Variants in IL11 observed in about 807,000 individuals in gnomAD.
IL11 encodes interleukin 11.
Under a neutral mutation model 18.1 loss-of-function variants are expected in IL11, and 17 were observed. The ratio of observed to expected loss-of-function variants is 0.94; its 90% CI spans 0.64 to 1.41. The LOEUF is 1.41. IL11 is among the 40% of genes most tolerant of loss of function. The pLI, the probability that IL11 is intolerant of heterozygous loss-of-function variation, is 0.00. For synonymous variants in IL11, 144 were observed against 134.1 expected (o/e 1.07, Z -0.51); for missense variants, 309 against 262.8 (o/e 1.18, Z -1.22).
chr19:55,370,158 C>G (rs1051525320), intron 1 of IL11, 146 bp downstream of exon 1: 1 of 699,666 alleles, frequency 1.4e-6, no homozygotes. Context: ...TCCGCCGCCT[C>G]CTGTCTCCGA....
In IL11 at chr19:55,365,815, C is replaced by T. The variant is rs2089781449; in HGVS notation, c.*192G>A. 2.5e-5 allele frequency: 22 copies of T among 896,052 alleles called. No homozygotes were observed. The South Asian group carries it at 4.0e-4, about 16-fold the overall frequency. 55.5% of individuals were successfully genotyped at this position (896,052 alleles called of 1,614,324 possible). On this transcript the variant is annotated 3_prime_UTR_variant, in exon 5 of 5. Transcript: ENST00000264563. ...CTCGGGGACCCAGGAGTCCACCTGCCTCCCACCCCTGCTCCTGAAATAAAT... is the reference window on the plus strand; with the variant it reads ...CTCGGGGACCCAGGAGTCCACCTGCTTCCCACCCCTGCTCCTGAAATAAAT...
Position 55,366,120 on chromosome 19 carries a change from G to GT in IL11, c.486_487insA (p.Pro163ThrfsTer24). The GT allele has an allele frequency of 6.5e-7, 1 of 1,542,562 alleles. No individual in the cohort carries two copies. The highest frequency in any genetic ancestry group is 8.7e-7 in the Non-Finnish European group (1 of 1,145,310). On this transcript the variant is annotated frameshift_variant, in exon 5 of 5. Transcript: ENST00000264563. LOFTEE classifies it high-confidence loss of function. The surrounding 1 kb of genome is among the most constrained non-coding windows in gnomAD (Gnocchi z 4.6). Reference sequence around the variant, plus strand: ...ATGCCCCCCCAGGCTGAGGAGGGGGGCGCCAGCGGGGGCGCCGGCGGGTCC... The same window carrying GT: ...ATGCCCCCCCAGGCTGAGGAGGGGGGTCGCCAGCGGGGGCGCCGGCGGGTCC...
chr19:55,367,700 T>G (rs1403884167), intron 4 of IL11, among the ~76,000 whole-genome samples: 1 of 152,002 alleles, frequency 6.6e-6, no homozygotes, highest in Non-Finnish European at 1.5e-5. Flanking sequence ...CCTCAGGTGA[T>G]CCACTTGCCT....
chr19:55,366,107 G>T lies in IL11; in HGVS notation c.500C>A (p.Ala167Asp). Residue 167 changes from alanine to aspartate, a missense_variant, in exon 5 of 5, where the codon GCC (alanine) becomes GAC (aspartate). Ala to Asp is a moderately radical substitution (Grantham distance 126). Coordinates refer to ENST00000264563, the MANE Select transcript of IL11 (RefSeq NM_000641.4). The surrounding 1 kb of genome is among the most constrained non-coding windows in gnomAD (Gnocchi z 4.6). ...GTGGGCGGCCCTGATGCCCCCCCAG[G>T]CTGAGGAGGGGGGCGCCAGCGGGGG... ...PAPPLAPPSS[A>D]WGGIRAAHAI... The T allele has an allele frequency of 3.2e-6, 5 of 1,562,412 alleles. No homozygotes were observed. Among genetic ancestry groups the T allele is most frequent in the South Asian group, 2.4e-5 (2 of 85,036 alleles).
At position 55,368,594 on chromosome 19, in the gene IL11, T is replaced by A. The variant is rs765337084; in HGVS notation, c.181-25A>T. ...TCTGGCAGGGAAAAAAGCTGTGAGG[T>A]GGCCCCTGCCCAGCCTCGGGGCTCC... On this transcript the variant is annotated intron_variant, in intron 2 of 4. Coordinates refer to ENST00000264563, the MANE Select transcript of IL11 (RefSeq NM_000641.4). 1.9e-6 allele frequency: 3 copies of A among 1,589,860 alleles called. No individual in the cohort carries two copies. The South Asian group carries it at 3.4e-5, about 18-fold the overall frequency.
rs142189316 is a variant in IL11, at chr19:55,366,197, G to A, written c.430-20C>T. On this transcript the variant is annotated intron_variant, in intron 4 of 4. Transcript: ENST00000264563. The surrounding 1 kb of genome is among the most constrained non-coding windows in gnomAD (Gnocchi z 4.6). Reference sequence around the variant, plus strand: ...GGACATCTGTGGGGAGAGGAGAGAGGTGAGTCACAGGTAGGGGGTGCAGCG... The same window carrying A: ...GGACATCTGTGGGGAGAGGAGAGAGATGAGTCACAGGTAGGGGGTGCAGCG... 1,076 of 1,469,278 alleles carry A rather than the reference G, an allele frequency of 7.3e-4. 7 individuals carry two copies. The African/African-American group carries it at 0.014, about 18-fold the overall frequency. The allele number at this position is 1,469,278 out of a possible 1,614,324, so 91.0% of individuals were successfully genotyped here. A position where few individuals can be genotyped will look rare whatever the true frequency, so the allele number is the denominator to read the frequency against.
rs749026700 is a variant in IL11, at chr19:55,366,068, C to T, written c.539G>A (p.Gly180Glu). Residue 180 changes from glycine to glutamate, a missense_variant, in exon 5 of 5, where the codon GGG becomes GAG. Physicochemically the swap from Gly to Glu is moderately conservative, Grantham distance 98. Coordinates refer to ENST00000264563, the MANE Select transcript of IL11 (RefSeq NM_000641.4). This position sits in a 1 kb window ranked among gnomAD's most constrained non-coding sequence, Gnocchi z 4.6. ...GGCCCAGTCAAGTGTCAGGTGCAGCCCCCCCAGGATGGCGTGGGCGGCCCT... is the reference window on the plus strand; with the variant it reads ...GGCCCAGTCAAGTGTCAGGTGCAGCTCCCCCAGGATGGCGTGGGCGGCCCT... ...GIRAAHAILG[G>E]LHLTLDWAVR... is the part of the protein sequence containing the mutation. 10 of 1,599,578 alleles carry T rather than the reference C, an allele frequency of 6.3e-6. No homozygotes were observed. The highest frequency in any genetic ancestry group is 5.4e-5 in the African/African-American group (4 of 74,640).
At position 55,369,123 on chromosome 19, in the gene IL11, C is replaced by T. The variant is rs193119181; in HGVS notation, c.8-182G>A. On this transcript the variant is annotated intron_variant, in intron 1 of 4. Coordinates refer to ENST00000264563, the MANE Select transcript of IL11 (RefSeq NM_000641.4). This position sits in a 1 kb window ranked among gnomAD's most constrained non-coding sequence, Gnocchi z 6.1. Reference sequence around the variant, plus strand: ...GAGGGAGGAAGGCCTGGGGTCTGGACTCCTGGGTCTCGGGGAGGAGGGTCT... The same window carrying T: ...GAGGGAGGAAGGCCTGGGGTCTGGATTCCTGGGTCTCGGGGAGGAGGGTCT... The T allele has an allele frequency of 7.2e-3, 3,596 of 499,756 alleles. 35 individuals carry two copies. Among genetic ancestry groups the T allele is most frequent in the Non-Finnish European group, 6.9e-3 (1,970 of 287,464 alleles). The allele number at this position is 499,756 out of a possible 1,614,324, so 31.0% of individuals were successfully genotyped here.
chr19:55,369,182 G>A lies in IL11; in HGVS notation c.8-241C>T, dbSNP rs963025364. ...GACTCCCGGCCTTAGGGAGGATGGA[G>A]CTGGAGGTCTTAAGTCCCAGGGTGG... On this transcript the variant is annotated intron_variant, in intron 1 of 4. Coordinates refer to ENST00000264563, the MANE Select transcript of IL11 (RefSeq NM_000641.4). The surrounding 1 kb of genome is among the most constrained non-coding windows in gnomAD (Gnocchi z 6.1). 2.6e-6 allele frequency: 1 copy of A among 391,346 alleles called. No homozygotes were observed. Among genetic ancestry groups the A allele is most frequent in the Non-Finnish European group, 4.6e-6 (1 of 218,586 alleles). The allele number at this position is 391,346 out of a possible 1,614,324, so 24.2% of individuals were successfully genotyped here.
At position 55,366,005 on chromosome 19, in the gene IL11, G is replaced by T; in HGVS notation, c.*2C>A. On this transcript the variant is annotated 3_prime_UTR_variant, in exon 5 of 5. Transcript: ENST00000264563. The surrounding 1 kb of genome is among the most constrained non-coding windows in gnomAD (Gnocchi z 4.6). ...AGGACGGTGGTGGCTTTGGGCCCCG[G>T]GTCACAGCCGAGTCTTCAGCAGCAG... 6.3e-7 allele frequency: 1 copy of T among 1,598,738 alleles called. No individual in the cohort carries two copies. The highest frequency in any genetic ancestry group is 8.5e-7 in the Non-Finnish European group (1 of 1,174,026).
chr19:55,370,443 G>T lies in IL11; in HGVS notation c.-133C>A. The T allele has an allele frequency of 2.1e-6, 1 of 473,890 alleles. No homozygotes were observed. The highest frequency in any genetic ancestry group is 3.5e-6 in the Non-Finnish European group (1 of 284,698). 29.4% of individuals were successfully genotyped at this position (473,890 alleles called of 1,614,324 possible). On this transcript the variant is annotated 5_prime_UTR_variant, in exon 1 of 5. Transcript: ENST00000264563. Reference sequence around the variant, plus strand: ...CCTGGGGAGGGGAGGCATGTGCCCTGAGCAGCAGGGCCGCGGCAGTGAGGG... The same window carrying T: ...CCTGGGGAGGGGAGGCATGTGCCCTTAGCAGCAGGGCCGCGGCAGTGAGGG...
rs201302172 is a variant in IL11 at position 55,368,346 on chromosome 19, C to G, written c.293G>C (p.Arg98Pro). The change falls in exon 4 of 5, where the codon CGA becomes CCA. Residue 98 changes from arginine (R) to proline (P), a missense_variant. Transcript: ENST00000264563. The stretch of plus-strand genomic sequence containing the variant: ...CCGCAGGTAGGACAGTAGGTCCGCT[C>G]GCAGCCTTGTCAGCACACCTGGGAG... ...LQLPGVLTRL[R>P]ADLLSYLRHV... 4.6e-5 allele frequency: 73 copies of G among 1,599,524 alleles called. No homozygotes were observed. The East Asian group carries it at 1.6e-3, about 35-fold the overall frequency.
Position 55,365,690 on chromosome 19 carries a change from T to G in IL11, c.*317A>C. Reference sequence around the variant, plus strand: ...GAAAAGTAATTGCTTAAATAAATAATATATGTTCCTGCCCAGGCCTAGATG... The same window carrying G: ...GAAAAGTAATTGCTTAAATAAATAAGATATGTTCCTGCCCAGGCCTAGATG... On this transcript the variant is annotated 3_prime_UTR_variant, in exon 5 of 5. Coordinates refer to ENST00000264563, the MANE Select transcript of IL11 (RefSeq NM_000641.4). 2 of 337,968 alleles carry G rather than the reference T, an allele frequency of 5.9e-6. No homozygotes were observed. The highest frequency in any genetic ancestry group is 1.1e-5 in the Non-Finnish European group (2 of 186,336). The allele number at this position is 337,968 out of a possible 1,614,324, so 20.9% of individuals were successfully genotyped here.
chr19:55,366,761 G>C lies in IL11; in HGVS notation c.430-584C>G, dbSNP rs191246236. 1.3e-5 allele frequency among the ~76,000 whole-genome samples: 2 copies of C among 152,066 alleles called. No individual in the cohort carries two copies. The highest frequency in any genetic ancestry group is 1.3e-4 in the Admixed American group (2 of 15,254). ...CAGGAGGCGGAGGTTCCAGCGAGCC[G>C]AAATGGCACCATTGCACTCTAGCCT... On this transcript the variant is annotated intron_variant, in intron 4 of 4. Transcript: ENST00000264563. The surrounding 1 kb of genome is among the most constrained non-coding windows in gnomAD (Gnocchi z 4.6).
chr19:55,367,812 G>A lies in IL11; in HGVS notation c.429+398C>T, dbSNP rs373787304. Among the ~76,000 whole-genome samples, 45 of 152,190 alleles carry A rather than the reference G, an allele frequency of 3.0e-4. No homozygotes were observed. In the South Asian group the frequency reaches 8.5e-3, roughly 29 times the overall value. On this transcript the variant is annotated intron_variant, in intron 4 of 4. Coordinates refer to ENST00000264563, the MANE Select transcript of IL11 (RefSeq NM_000641.4). Reference sequence around the variant, plus strand: ...CCAGGGTCTCCAAGTCTTGAGGTGAGGATTTGAATTCTCAAGGCTTTGGGC... The same window carrying A: ...CCAGGGTCTCCAAGTCTTGAGGTGAAGATTTGAATTCTCAAGGCTTTGGGC...
In IL11 at chr19:55,368,364, C is replaced by T. The variant is rs764018519; in HGVS notation, c.275G>A (p.Gly92Asp). 1.9e-6 allele frequency: 3 copies of T among 1,596,552 alleles called. No homozygotes were observed. In the African/African-American group the frequency reaches 4.0e-5, roughly 21 times the overall value. The change falls in exon 4 of 5, where the codon GGT becomes GAT. Residue 92 changes from glycine to aspartate, a missense_variant. By Grantham distance (94) the Gly-to-Asp change is moderately conservative (BLOSUM62 -1). Coordinates refer to ENST00000264563, the MANE Select transcript of IL11 (RefSeq NM_000641.4). ...GTCCGCTCGCAGCCTTGTCAGCACA[C>T]CTGGGAGCTGGGGATAGAGCCGGGA... Reference protein sequence around the residue: ...AGALGALQLPGVLTRLRADLL... With the variant: ...AGALGALQLPDVLTRLRADLL...
At position 55,369,061 on chromosome 19, in the gene IL11, G is replaced by A; in HGVS notation, c.8-120C>T. On this transcript the variant is annotated intron_variant, in intron 1 of 4. Coordinates refer to ENST00000264563, the MANE Select transcript of IL11 (RefSeq NM_000641.4). The surrounding 1 kb of genome is among the most constrained non-coding windows in gnomAD (Gnocchi z 6.1). ...TGGGGTCTGGACTCCTCCTGGGTCTGAGGGAGGAGAGGCTGGGGGCCTGGA... is the reference window on the plus strand; with the variant it reads ...TGGGGTCTGGACTCCTCCTGGGTCTAAGGGAGGAGAGGCTGGGGGCCTGGA... 1.2e-6 allele frequency: 1 copy of A among 821,924 alleles called. No individual in the cohort carries two copies. Among genetic ancestry groups the A allele is most frequent in the Non-Finnish European group, 1.8e-6 (1 of 562,966 alleles). The allele number at this position is 821,924 out of a possible 1,614,324, so 50.9% of individuals were successfully genotyped here.
In IL11 at chr19:55,369,465, CCGGGAGACACGGACCTCTCCCA is replaced by C. The variant is rs564209377; in HGVS notation, c.8-546_8-525del. Among the ~76,000 whole-genome samples the C allele has an allele frequency of 0.01, 1,590 of 151,822 alleles. 43 individuals are homozygous for C. Among genetic ancestry groups the C allele is most frequent in the African/African-American group, 0.037 (1,528 of 41,444 alleles). ...AAGGAGCCAGAAGCCAGGACGGAGC[CCGGGAGACACGGACCTCTCCCA>C]CGGGAGACCCCTTAGACGCCCTCCC... On this transcript the variant is annotated intron_variant, in intron 1 of 4. Coordinates refer to ENST00000264563, the MANE Select transcript of IL11 (RefSeq NM_000641.4). The surrounding 1 kb of genome is among the most constrained non-coding windows in gnomAD (Gnocchi z 6.1).
rs749539580 is a variant in IL11, at chr19:55,366,001, C to T, written c.*6G>A. ...TGGAAGGACGGTGGTGGCTTTGGGCCCCGGGTCACAGCCGAGTCTTCAGCA... is the reference window on the plus strand; with the variant it reads ...TGGAAGGACGGTGGTGGCTTTGGGCTCCGGGTCACAGCCGAGTCTTCAGCA... On this transcript the variant is annotated 3_prime_UTR_variant, in exon 5 of 5. Transcript: ENST00000264563. The surrounding 1 kb of genome is among the most constrained non-coding windows in gnomAD (Gnocchi z 4.6). 6.3e-7 allele frequency: 1 copy of T among 1,596,342 alleles called. No homozygotes were observed.
Sources: gnomAD v4.1 joint callset for allele counts (sites outside exome capture counted in the v4.1 genomes callset) on GRCh38, gnomAD v4.1.1 for gene constraint, Gnocchi (gnomAD v3.1) non-coding constraint, MANE v1.5 for transcripts, NCBI Gene and HGNC (gene_info 2026-07-23, HGNC 2026-07-21) for gene names.